The following PIGL variants were observed in gnomAD, a reference collection of about 807,000 sequenced individuals.
PIGL encodes N-acetylglucosaminyl-phosphatidylinositol de-N-acetylase.
Under a neutral mutation model 31.1 loss-of-function variants are expected in PIGL, and 22 were observed. The observed-to-expected ratio is 0.71, with a 90% CI of 0.51 to 1.01. PIGL has a LOEUF of 1.01. Among genes scored for constraint, PIGL ranks in the 50% least tolerant of loss-of-function variants. PIGL has a pLI of 0.00. For missense variants in PIGL, 302 were observed against 315.9 expected (o/e 0.96, Z 0.33); for synonymous variants, 131 against 117.4 (o/e 1.12, Z -0.75).
intron 2 of PIGL, among the ~76,000 whole-genome samples, chr17:16,268,939 T>G (rs1473854770): frequency 6.6e-6 from 1 of 152,048 alleles, no homozygotes; most frequent in African/African-American, 2.4e-5. Context: ...TTTTTTTGTA[T>G]TTTTAGTAGA....
At chr17:16,218,438 A>G (rs1338347422) in intron 1 of PIGL, among the ~76,000 whole-genome samples, 1 of 152,208 alleles carries the variant, frequency 6.6e-6, no homozygotes, top group African/African-American at 2.4e-5. Flanking sequence ...ATGAAACTTT[A>G]AACATCTACC....
At chr17:16,319,155 G>A (rs2093091672) in intron 6 of PIGL, among the ~76,000 whole-genome samples, 4 of 130,004 alleles carry the variant, frequency 3.1e-5, no homozygotes, top group Non-Finnish European at 4.6e-5. Context: ...AGCCCAGGAG[G>A]TCAAGGTTGC....
intron 2 of PIGL, among the ~76,000 whole-genome samples, chr17:16,258,040 G>A (rs573648619): frequency 3.1e-3 from 444 of 141,294 alleles, no homozygotes; most frequent in Non-Finnish European, 5.4e-3. Flanking sequence ...TCCAGCCTGG[G>A]CCACAGGAGC....
chr17:16,288,580 C>T (rs549720582), intron 2 of PIGL, among the ~76,000 whole-genome samples: 1 of 150,162 alleles, frequency 6.7e-6, no homozygotes, highest in African/African-American at 2.5e-5. Flanking sequence ...GCTCTTGTTG[C>T]CCAGGCTGGA....
chr17:16,310,126 A>G (rs566667782), intron 3 of PIGL, among the ~76,000 whole-genome samples: 1 of 152,020 alleles, frequency 6.6e-6, no homozygotes, highest in African/African-American at 2.4e-5. Context: ...AAATATAAAC[A>G]TTAATCATTA....
At chr17:16,293,760 G>C (rs1337661076) in intron 2 of PIGL, among the ~76,000 whole-genome samples, 1 of 152,158 alleles carries the variant, frequency 6.6e-6, no homozygotes, top group Non-Finnish European at 1.5e-5. Flanking sequence ...TACCACCTAA[G>C]AAATAGAAGA....
chr17:16,316,741 A>G (rs201868423), intron 5 of PIGL, 29 bp downstream of exon 5: 4 of 1,609,196 alleles, frequency 2.5e-6, no homozygotes, highest in Non-Finnish European at 3.4e-6. Context: ...GCAAAGGGCC[A>G]CAAGATACTG....
intron 2 of PIGL, among the ~76,000 whole-genome samples, chr17:16,291,520 A>G (rs1568826851): frequency 1.4e-5 from 2 of 144,488 alleles, no homozygotes; most frequent in African/African-American, 2.5e-5. Flanking sequence ...AAAAAAAAAA[A>G]AAAAGAAAGA....
chr17:16,244,858 T>C (rs1302961146), intron 2 of PIGL, among the ~76,000 whole-genome samples: 1 of 151,816 alleles, frequency 6.6e-6, no homozygotes, highest in African/African-American at 2.4e-5. Context: ...TGGTAATTAT[T>C]TTAGAGACAG....
At chr17:16,309,572 C>A (rs1029317752) in intron 3 of PIGL, among the ~76,000 whole-genome samples, 64 of 149,818 alleles carry the variant, frequency 4.3e-4, no homozygotes, top group African/African-American at 1.5e-3. Context: ...ACCAGCCTGG[C>A]CACATAACGA....
intron 2 of PIGL, among the ~76,000 whole-genome samples, chr17:16,257,612 A>G (rs776692969): frequency 2.3e-4 from 35 of 151,782 alleles, no homozygotes; most frequent in Non-Finnish European, 4.6e-4. Context: ...AATGTATCAT[A>G]TATATGTATC....
intron 2 of PIGL, among the ~76,000 whole-genome samples, chr17:16,239,238 C>G (rs575724624): frequency 2.7e-5 from 4 of 150,794 alleles, no homozygotes; most frequent in African/African-American, 9.7e-5. Flanking sequence ...AATCCCAGCA[C>G]TTTGGGAGGC....
intron 3 of PIGL, among the ~76,000 whole-genome samples, chr17:16,303,392 A>G (rs1160013301): frequency 6.6e-6 from 1 of 152,042 alleles, no homozygotes; most frequent in Non-Finnish European, 1.5e-5. Context: ...GTTAACTGCC[A>G]CCTCCCTGCC....
chr17:16,278,904 TCA>T (rs1267154684), intron 2 of PIGL, among the ~76,000 whole-genome samples: 1 of 152,200 alleles, frequency 6.6e-6, no homozygotes, highest in South Asian at 2.1e-4. Context: ...TGCTTTCATA[TCA>T]CACACACAAC....
chr17:16,316,925 G>A (rs957889562), intron 5 of PIGL: 15 of 1,343,402 alleles, frequency 1.1e-5, no homozygotes, highest in South Asian at 9.1e-5. Context: ...TGGATGAGTG[G>A]GGAGGCCAGG....
At chr17:16,309,571 G>A (rs1307012376) in intron 3 of PIGL, among the ~76,000 whole-genome samples, 2 of 149,292 alleles carry the variant, frequency 1.3e-5, no homozygotes, top group African/African-American at 2.5e-5. Context: ...GACCAGCCTG[G>A]CCACATAACG....
chr17:16,258,987 C>G (rs150830814), intron 2 of PIGL, among the ~76,000 whole-genome samples: 1 of 152,234 alleles, frequency 6.6e-6, no homozygotes, highest in East Asian at 1.9e-4. Context: ...GATTATTTCC[C>G]CATAACACCA....
intron 2 of PIGL, among the ~76,000 whole-genome samples, chr17:16,268,062 G>A (rs2092852911): frequency 6.6e-6 from 1 of 152,200 alleles, no homozygotes. Context: ...AGCAGAGATG[G>A]AGCACAAGGG....
intron 3 of PIGL, among the ~76,000 whole-genome samples, chr17:16,306,038 TC>T (rs1181847867): frequency 6.6e-6 from 1 of 152,122 alleles, no homozygotes; most frequent in Non-Finnish European, 1.5e-5. Flanking sequence ...AACCTCCGCC[TC>T]CCGGGTTCAA....
Sources: allele counts gnomAD v4.1 joint callset (sites outside exome capture counted in the v4.1 genomes callset), GRCh38; gene constraint gnomAD v4.1.1; transcripts MANE v1.5; gene names NCBI Gene and HGNC (gene_info 2026-07-23, HGNC 2026-07-21).